The following RABL3 variants were observed in gnomAD, a reference collection of about 807,000 sequenced individuals.
The protein encoded by RABL3 is rab-like protein 3.
RABL3 carries 31 observed loss-of-function variants against 31.8 expected under a neutral mutation model. The ratio of observed to expected loss-of-function variants is 0.97; its 90% CI spans 0.73 to 1.31. RABL3 has a LOEUF of 1.31. RABL3 is among the 40% of genes most tolerant of loss of function. The pLI, the probability that RABL3 is intolerant of heterozygous loss-of-function variation, is 0.00. For synonymous variants in RABL3, 97 were observed against 99.9 expected, an observed-to-expected ratio of 0.97 and a Z score of 0.18; for missense variants, 263 against 279.6, an observed-to-expected ratio of 0.94 and a Z score of 0.42.
intron 1 of RABL3, among the ~76,000 whole-genome samples, chr3:120,732,394 T>C (rs897436370): frequency 6.6e-6 from 1 of 152,172 alleles, no homozygotes; most frequent in Non-Finnish European, 1.5e-5. Flanking sequence ...TAGAGAGCAC[T>C]TAAAACACAT....
intron 3 of RABL3, among the ~76,000 whole-genome samples, chr3:120,706,737 G>T (rs769967043): frequency 4.6e-5 from 7 of 151,970 alleles, no homozygotes; most frequent in Non-Finnish European, 7.4e-5. Context: ...ACCTGTAAGA[G>T]ATTTAGTTAT....
rs753359672 is a variant in RABL3 at position 120,689,854 on chromosome 3, G to A, written c.680C>T (p.Ala227Val). ...PGFPDRKRFG[A>V]GTLKSLHYD is the part of the protein sequence containing the mutation. ...ATAATGAAGGCTCTTTAATGTTCCT[G>A]CCCCAAATCTTTTCCGATCAGGAAA... Residue 227 changes from alanine (A) to valine (V), a missense_variant, in exon 8 of 8, where the codon GCA (alanine) becomes GTA (valine). Physicochemically the swap from Ala to Val is moderately conservative, Grantham distance 64 (BLOSUM62 0). Transcript: ENST00000273375. 2.5e-6 allele frequency: 4 copies of A among 1,613,022 alleles called. No individual in the cohort carries two copies. The highest frequency in any genetic ancestry group is 1.7e-4 in the Middle Eastern group (1 of 6,052).
At chr3:120,742,574 A>T, upstream of RABL3, 1 of 1,514,576 alleles carries the variant, frequency 6.6e-7, no homozygotes, top group African/African-American at 1.4e-5. Flanking sequence ...TTGGGCATGG[A>T]GGGCAGAGCC....
chr3:120,730,656 TAGTAC>T, intron 2 of RABL3, 35 bp downstream of exon 2: 1 of 1,288,600 alleles, frequency 7.8e-7, no homozygotes, highest in Non-Finnish European at 1.1e-6. Context: ...CAGTTATCTT[TAGTAC>T]ATTATTGAAA....
At chr3:120,724,223 C>T (rs1298016340) in intron 2 of RABL3, among the ~76,000 whole-genome samples, 1 of 152,090 alleles carries the variant, frequency 6.6e-6, no homozygotes, top group Non-Finnish European at 1.5e-5. Flanking sequence ...AATAAAATAC[C>T]TAGGAATCCA....
intron 2 of RABL3, among the ~76,000 whole-genome samples, chr3:120,725,325 A>G (rs1708804573): frequency 6.6e-6 from 1 of 152,246 alleles, no homozygotes; most frequent in Admixed American, 6.5e-5. Flanking sequence ...GTGGAGAAAT[A>G]GGAACACTTC....
In RABL3 at chr3:120,739,371, C is replaced by T. The variant is rs145352429; in HGVS notation, c.46+3091G>A. Reference sequence around the variant, plus strand: ...CAGCCTGGGTGACAGAGCAACAATCCGTCTCGGTGGTGGCGGGCAGTGGGG... The same window carrying T: ...CAGCCTGGGTGACAGAGCAACAATCTGTCTCGGTGGTGGCGGGCAGTGGGG... On this transcript the variant is annotated intron_variant, in intron 1 of 7. Transcript: ENST00000273375. Among the ~76,000 whole-genome samples, 644 of 152,054 alleles carry T rather than the reference C, an allele frequency of 4.2e-3. 3 individuals carry two copies. Among genetic ancestry groups the T allele is most frequent in the South Asian group, 0.017 (82 of 4,798 alleles).
At chr3:120,742,518 C>T (rs1242207774), upstream of RABL3, 3 of 1,613,986 alleles carry the variant, frequency 1.9e-6, no homozygotes, top group African/African-American at 4.0e-5. Flanking sequence ...CTTGCCACTG[C>T]CTTCCCTGGG....
chr3:120,710,196 C>G (rs1708597347), intron 2 of RABL3: 1 of 204,838 alleles, frequency 4.9e-6, no homozygotes, highest in Non-Finnish European at 9.9e-6. Flanking sequence ...CTTTGCCCCT[C>G]TCTCACATTG....
At chr3:120,692,888 G>A (rs1266093024) in intron 6 of RABL3, among the ~76,000 whole-genome samples, 1 of 152,092 alleles carries the variant, frequency 6.6e-6, no homozygotes, top group African/African-American at 2.4e-5. Context: ...AGATCTATAA[G>A]ATGTTGCTCA....
At chr3:120,703,725 A>G (rs773632334) in intron 4 of RABL3, among the ~76,000 whole-genome samples, 2 of 152,196 alleles carry the variant, frequency 1.3e-5, no homozygotes, top group African/African-American at 4.8e-5. Context: ...GAAAAAGGTC[A>G]TATCACTACA....
chr3:120,736,115 T>G (rs938171287), intron 1 of RABL3, among the ~76,000 whole-genome samples: 7 of 152,110 alleles, frequency 4.6e-5, no homozygotes, highest in African/African-American at 1.7e-4. Flanking sequence ...CTTTCTGTCT[T>G]GTTGATCTGT....
chr3:120,727,803 C>CTACCACATAATCTACCACAAAA (rs1236273652), intron 2 of RABL3, among the ~76,000 whole-genome samples: 8 of 152,060 alleles, frequency 5.3e-5, no homozygotes, highest in Non-Finnish European at 1.0e-4. Flanking sequence ...AAAAATTAAT[C>CTACCACATAATCTACCACAAAA]AACATAATTT....
At chr3:120,719,390 G>GC (rs942802942) in intron 2 of RABL3, among the ~76,000 whole-genome samples, 21 of 152,212 alleles carry the variant, frequency 1.4e-4, no homozygotes, top group African/African-American at 4.8e-4. Flanking sequence ...GTGAGTCGAA[G>GC]CAAGGCGAGG....
At chr3:120,736,800 T>G (rs564474203) in intron 1 of RABL3, among the ~76,000 whole-genome samples, 2 of 152,208 alleles carry the variant, frequency 1.3e-5, no homozygotes, top group Non-Finnish European at 2.9e-5. Flanking sequence ...GAAGCTTAGT[T>G]TGGCTGGATA....
Position 120,709,820 on chromosome 3 carries a change from G to T in RABL3, c.228C>A (p.Ser76Arg), listed in dbSNP as rs577096248. 2 of 1,612,028 alleles carry T rather than the reference G, an allele frequency of 1.2e-6. No individual in the cohort carries two copies. Among genetic ancestry groups the T allele is most frequent in the South Asian group, 2.2e-5 (2 of 90,990 alleles). Residue 76 changes from serine to arginine, a missense_variant, in exon 3 of 8, where the codon AGC becomes AGA. Physicochemically the swap from Ser to Arg is moderately radical, Grantham distance 110. Coordinates refer to ENST00000273375, the MANE Select transcript of RABL3 (RefSeq NM_173825.5). ...AGAATACTGCTCTTGTGCTTTTCAC[G>T]CTGCTGGCACTGCCCACAGAGCCTC... ...DVGGSVGSAS[S>R]VKSTRAVFYN...
intron 1 of RABL3, among the ~76,000 whole-genome samples, chr3:120,740,411 CCA>C (rs1222235400): frequency 1.3e-5 from 2 of 152,092 alleles, no homozygotes; most frequent in African/African-American, 4.8e-5. Context: ...CAGGCGTGCA[CCA>C]CCATGCCCGG....
At chr3:120,733,697 T>A (rs1286425131) in intron 1 of RABL3, among the ~76,000 whole-genome samples, 4 of 152,180 alleles carry the variant, frequency 2.6e-5, no homozygotes, top group Non-Finnish European at 4.4e-5. Context: ...AGGTCTAACG[T>A]TTAAGTCTTT....
chr3:120,688,367 G>C lies in RABL3; in HGVS notation c.*1456C>G, dbSNP rs1378201651. 1 of 152,524 alleles carries C rather than the reference G, an allele frequency of 6.6e-6. No individual in the cohort carries two copies. Among genetic ancestry groups the C allele is most frequent in the Admixed American group, 6.5e-5 (1 of 15,268 alleles). 9.4% of individuals were successfully genotyped at this position (152,524 alleles called of 1,614,324 possible). A position where few individuals can be genotyped will look rare whatever the true frequency, so the allele number is the denominator to read the frequency against. ...AACCAGGGCTATGTCCTTTCAAAGA[G>C]GAAGTAAAGAAAGGCTGGAGAACAG... On this transcript the variant is annotated 3_prime_UTR_variant, in exon 8 of 8. Transcript: ENST00000273375.
Sources: allele counts gnomAD v4.1 joint callset (sites outside exome capture counted in the v4.1 genomes callset), GRCh38; gene constraint gnomAD v4.1.1; transcripts MANE v1.5; gene names NCBI Gene and HGNC (gene_info 2026-07-23, HGNC 2026-07-21).